Variants in ANGPTL5 observed in about 807,000 individuals in gnomAD.
The protein encoded by ANGPTL5 is angiopoietin like 5.
In ANGPTL5, 34 loss-of-function variants were observed where a neutral mutation model predicts 39.4. The observed-to-expected ratio is 0.86, with a 90% confidence interval of 0.66 to 1.15. The LOEUF is 1.15. Among genes scored for constraint, ANGPTL5 ranks in the 50% most tolerant of loss-of-function variants. The pLI is 0.00. For missense variants in ANGPTL5, 467 were observed against 457.5 expected (o/e 1.02, Z -0.19); for synonymous variants, 146 against 152.1 (o/e 0.96, Z 0.29).
chr11:101,901,377 A>G lies in ANGPTL5; in HGVS notation c.541-827T>C, dbSNP rs148074709. ...TTGTCTTTGCTCTTTTCTCCCACAA[A>G]CCTGGAAGGCCTGTTTTCAGACTGG... is the stretch of plus-strand genomic sequence containing the variant. On this transcript the variant is annotated intron_variant, in intron 6 of 8. Coordinates refer to ENST00000334289, the MANE Select transcript of ANGPTL5 (RefSeq NM_178127.5). Among the ~76,000 whole-genome samples the G allele has an allele frequency of 4.1e-3, 624 of 151,804 alleles. 5 individuals are homozygous for G. The highest frequency in any genetic ancestry group is 0.011 in the African/African-American group (471 of 41,376).
At chr11:101,914,564 G>C (rs1042637914) in intron 1 of ANGPTL5, among the ~76,000 whole-genome samples, 14 of 152,202 alleles carry the variant, frequency 9.2e-5, no homozygotes, top group Non-Finnish European at 1.9e-4. Context: ...GAGTGGATGA[G>C]AGAATGCAGG....
intron 4 of ANGPTL5, 145 bp downstream of exon 4, chr11:101,905,599 C>A: frequency 1.6e-6 from 1 of 630,142 alleles, no homozygotes; most frequent in South Asian, 2.0e-5. Flanking sequence ...TTTTTGTTTG[C>A]CTAAAGTTTA....
At chr11:101,908,830 G>T (rs1192701024) in intron 1 of ANGPTL5, among the ~76,000 whole-genome samples, 3 of 149,774 alleles carry the variant, frequency 2.0e-5, no homozygotes, top group Non-Finnish European at 4.4e-5. Flanking sequence ...TAATTAATCT[G>T]TAATTAGTTG....
chr11:101,891,299 A>G lies in ANGPTL5; in HGVS notation c.1147T>C (p.Tyr383His). ...KSVSMKIRRM[Y>H]NPYFK Reference sequence around the variant, plus strand: ...TGAGATTATTTAAAATATGGATTGTACATTCTTCTAATTTTCATTGAAACA... The same window carrying G: ...TGAGATTATTTAAAATATGGATTGTGCATTCTTCTAATTTTCATTGAAACA... Residue 383 changes from tyrosine (Y) to histidine (H), a missense_variant, in exon 9 of 9, where the codon TAC (tyrosine) becomes CAC (histidine). Transcript: ENST00000334289. The G allele has an allele frequency of 6.2e-7, 1 of 1,611,486 alleles. No individual in the cohort carries two copies. The highest frequency in any genetic ancestry group is 2.2e-5 in the East Asian group (1 of 44,862).
intron 7 of ANGPTL5, among the ~76,000 whole-genome samples, chr11:101,897,826 T>C (rs1939826895): frequency 6.6e-6 from 1 of 152,224 alleles, no homozygotes; most frequent in African/African-American, 2.4e-5. Flanking sequence ...TAGGATTGTC[T>C]TGACTATACA....
chr11:101,891,435 C>T lies in ANGPTL5; in HGVS notation c.1011G>A (p.Glu337=), dbSNP rs1196809591. 6.2e-7 allele frequency: 1 copy of T among 1,613,956 alleles called. No homozygotes were observed. Among genetic ancestry groups the T allele is most frequent in the Non-Finnish European group, 8.5e-7 (1 of 1,180,010 alleles). Residue 337 remains glutamate, a synonymous_variant, in exon 9 of 9, where the codon GAG becomes GAA. Transcript: ENST00000334289. ...LHNKTGWWFN[E]CGLANLNGIH... is the part of the protein sequence containing the mutation. ...TGCCATTTAGATTTGCTAGACCACA[C>T]TCGTTAAACCACCAGCCGGTCTTGT...
intron 3 of ANGPTL5, 32 bp downstream of exon 3, chr11:101,907,071 C>A (rs1239457150): frequency 2.8e-6 from 4 of 1,445,954 alleles, no homozygotes; most frequent in South Asian, 1.2e-5. Context: ...GAATCATATA[C>A]TCTTATTATT....
At chr11:101,903,823 T>C (rs574033745) in intron 5 of ANGPTL5, among the ~76,000 whole-genome samples, 1 of 152,316 alleles carries the variant, frequency 6.6e-6, no homozygotes, top group South Asian at 2.1e-4. Flanking sequence ...GGATATTTCT[T>C]ATCTGATGAT....
At chr11:101,912,165 A>G (rs1289740507) in intron 1 of ANGPTL5, among the ~76,000 whole-genome samples, 2 of 152,276 alleles carry the variant, frequency 1.3e-5, no homozygotes, top group Non-Finnish European at 2.9e-5. Flanking sequence ...GCACCTGGAA[A>G]GTGCTTGGCA....
intron 1 of ANGPTL5, chr11:101,915,278 G>C: frequency 6.2e-7 from 1 of 1,613,560 alleles, no homozygotes; most frequent in Non-Finnish European, 8.5e-7. Flanking sequence ...CGGCGCTGAA[G>C]TGAAGGATGC....
intron 1 of ANGPTL5, among the ~76,000 whole-genome samples, chr11:101,911,474 G>A (rs920929158): frequency 2.6e-5 from 4 of 152,104 alleles, no homozygotes; most frequent in African/African-American, 9.7e-5. Flanking sequence ...TGGAGGTAGG[G>A]CCTGATGGAA....
At chr11:101,900,650 G>T in intron 6 of ANGPTL5, 100 bp from the exon 7 acceptor site, 5 of 1,258,342 alleles carry the variant, frequency 4.0e-6, no homozygotes, top group Non-Finnish European at 5.7e-6. Flanking sequence ...AAAAGAGACG[G>T]TACTGCCACT....
intron 1 of ANGPTL5, among the ~76,000 whole-genome samples, chr11:101,914,332 G>A (rs1396747487): frequency 1.3e-5 from 2 of 152,154 alleles, no homozygotes; most frequent in Admixed American, 1.3e-4. Flanking sequence ...CAATAAACTA[G>A]TGTCTCAAAA....
At chr11:101,901,793 T>C (rs1248897914) in intron 6 of ANGPTL5, among the ~76,000 whole-genome samples, 1 of 152,108 alleles carries the variant, frequency 6.6e-6, no homozygotes, top group Non-Finnish European at 1.5e-5. Context: ...AAAATAATGG[T>C]AGTAACTCTA....
At chr11:101,910,366 T>C (rs1384915565) in intron 1 of ANGPTL5, among the ~76,000 whole-genome samples, 1 of 147,646 alleles carries the variant, frequency 6.8e-6, no homozygotes, top group Admixed American at 6.8e-5. Flanking sequence ...GCCGAGATCA[T>C]GCCATTGCAC....
Position 101,896,156 on chromosome 11 carries a change from ATATTTATTTATT to A in ANGPTL5, c.662-1104_662-1093del, listed in dbSNP as rs55980962. On this transcript the variant is annotated intron_variant, in intron 7 of 8. Coordinates refer to ENST00000334289, the MANE Select transcript of ANGPTL5 (RefSeq NM_178127.5). ...TTAAAAATACATTTTCTGTAATCCT[ATATTTATTTATT>A]TATTTATTTATTTATTTATTTATTT... Among the ~76,000 whole-genome samples, 1,329 of 139,688 alleles carry A rather than the reference ATATTTATTTATT, an allele frequency of 9.5e-3. 15 individuals are homozygous for A. Among genetic ancestry groups the A allele is most frequent in the African/African-American group, 0.023 (856 of 37,310 alleles). The allele number at this position is 139,688 out of a possible 152,430, so 91.6% of individuals were successfully genotyped here. A position where few individuals can be genotyped will look rare whatever the true frequency, so the allele number is the denominator to read the frequency against.
rs1190119352 is a variant in ANGPTL5 at position 101,900,612 on chromosome 11, A to C, written c.541-62T>G. On this transcript the variant is annotated intron_variant, in intron 6 of 8. Coordinates refer to ENST00000334289, the MANE Select transcript of ANGPTL5 (RefSeq NM_178127.5). ...ATTATTTTCATTATTTGATAATATA[A>C]CACTCATGCTTCATCCTTAGGCTTA... 1.3e-6 allele frequency: 2 copies of C among 1,547,172 alleles called. 1 individual carries two copies. Among genetic ancestry groups the C allele is most frequent in the Non-Finnish European group, 1.8e-6 (2 of 1,123,874 alleles).
At chr11:101,891,656 T>C in intron 8 of ANGPTL5, 58 bp from the exon 9 acceptor site, 1 of 1,495,270 alleles carries the variant, frequency 6.7e-7, no homozygotes. Context: ...TTTTAATTAA[T>C]CATTACCAGC....
chr11:101,904,656 T>C (rs1023165116), intron 5 of ANGPTL5, among the ~76,000 whole-genome samples, 158 bp downstream of exon 5: 4 of 152,216 alleles, frequency 2.6e-5, no homozygotes, highest in Non-Finnish European at 5.9e-5. Flanking sequence ...ACGTTGTCTA[T>C]GGTGAAATTT....
Sources: allele counts gnomAD v4.1 joint callset (sites outside exome capture counted in the v4.1 genomes callset), GRCh38; gene constraint gnomAD v4.1.1; transcripts MANE v1.5; gene names NCBI Gene and HGNC (gene_info 2026-07-23, HGNC 2026-07-21).